The following RERG variants were observed in gnomAD, a reference collection of about 807,000 sequenced individuals.
RERG encodes the protein ras-related and estrogen-regulated growth inhibitor.
In RERG, 25 loss-of-function variants were observed where a neutral mutation model predicts 23.2. The observed-to-expected ratio is 1.08, with a 90% CI of 0.79 to 1.50. The LOEUF is 1.50. Ranked by LOEUF, RERG falls within the 40% of genes most tolerant of loss-of-function variation. The pLI is 0.00. For synonymous variants in RERG, 81 were observed against 89.1 expected (o/e 0.91, Z 0.51); for missense variants, 253 against 250.1 (o/e 1.01, Z -0.08).
chr12:15,183,192 T>G (rs922103000), intron 2 of RERG, among the ~76,000 whole-genome samples: 1 of 152,138 alleles, frequency 6.6e-6, no homozygotes, highest in East Asian at 1.9e-4. Context: ...TAATGATAAA[T>G]CTTTGAAATG....
chr12:15,127,444 A>C (rs1411440656), intron 2 of RERG, among the ~76,000 whole-genome samples: 1 of 152,140 alleles, frequency 6.6e-6, no homozygotes, highest in African/African-American at 2.4e-5. Flanking sequence ...TATATTGACT[A>C]CTTCTCTGGT....
chr12:15,139,903 G>A (rs1864208075), intron 2 of RERG, among the ~76,000 whole-genome samples: 1 of 152,036 alleles, frequency 6.6e-6, no homozygotes. Flanking sequence ...ACCTTACTAG[G>A]AGAAAAATCC....
chr12:15,207,248 A>G (rs1158221450), intron 2 of RERG, among the ~76,000 whole-genome samples: 1 of 152,114 alleles, frequency 6.6e-6, no homozygotes, highest in African/African-American at 2.4e-5. Context: ...ACATTTCCAG[A>G]TGATAGAAAG....
At chr12:15,144,985 T>A (rs976012357) in intron 2 of RERG, among the ~76,000 whole-genome samples, 1 of 151,992 alleles carries the variant, frequency 6.6e-6, no homozygotes, top group African/African-American at 2.4e-5. Flanking sequence ...AACAGAAAAA[T>A]TTTCTTTTCT....
chr12:15,146,882 G>A (rs1591647077), intron 2 of RERG, among the ~76,000 whole-genome samples: 1 of 152,166 alleles, frequency 6.6e-6, no homozygotes, highest in African/African-American at 2.4e-5. Flanking sequence ...AACGCATGCA[G>A]ATTAGCCTTA....
At chr12:15,132,989 C>T (rs1461530600) in intron 2 of RERG, among the ~76,000 whole-genome samples, 2 of 132,930 alleles carry the variant, frequency 1.5e-5, no homozygotes, top group East Asian at 5.1e-4. Flanking sequence ...CCCCGCCCTG[C>T]CCCCCAACAC....
rs1367634964 is a variant in RERG at position 15,108,559 on chromosome 12, A to G, written c.*551T>C. ...ATTCTCTGTTATAGTGAAAAACATT[A>G]GTGAGAAGATGCTTGAACTGAAGAA... On this transcript the variant is annotated 3_prime_UTR_variant, in exon 5 of 5. Transcript: ENST00000256953. 6.5e-6 allele frequency: 1 copy of G among 152,700 alleles called. No individual in the cohort carries two copies. The highest frequency in any genetic ancestry group is 1.5e-5 in the Non-Finnish European group (1 of 68,066). 9.5% of individuals were successfully genotyped at this position (152,700 alleles called of 1,614,324 possible).
intron 3 of RERG, among the ~76,000 whole-genome samples, chr12:15,117,685 A>ATG (rs1555119527): frequency 2.0e-4 from 31 of 151,318 alleles, no homozygotes; most frequent in Non-Finnish European, 3.2e-4. Flanking sequence ...GCACACACAC[A>ATG]CACACACACA....
At chr12:15,144,523 CTG>C (rs1864296911) in intron 2 of RERG, among the ~76,000 whole-genome samples, 1 of 152,130 alleles carries the variant, frequency 6.6e-6, no homozygotes, top group Admixed American at 6.5e-5. Flanking sequence ...ATTCTGGAAA[CTG>C]TGCAAAGAAG....
At chr12:15,116,806 A>C (rs2136085435) in intron 3 of RERG, among the ~76,000 whole-genome samples, 1 of 152,368 alleles carries the variant, frequency 6.6e-6, no homozygotes, top group African/African-American at 2.4e-5. Flanking sequence ...TTAATACATA[A>C]AAGAAAATGT....
chr12:15,207,745 AG>A (rs1409256879), intron 2 of RERG, among the ~76,000 whole-genome samples: 1 of 134,190 alleles, frequency 7.5e-6, no homozygotes, highest in Admixed American at 6.9e-5. Context: ...AGACTATAGA[AG>A]AAGAGACTCA....
intron 2 of RERG, among the ~76,000 whole-genome samples, chr12:15,175,787 A>C (rs1167601445): frequency 2.0e-5 from 3 of 152,150 alleles, no homozygotes; most frequent in Non-Finnish European, 2.9e-5. Context: ...GAGATAGGTC[A>C]AACAGTGACA....
Position 15,117,949 on chromosome 12 carries a change from G to T in RERG, c.118+3114C>A, listed in dbSNP as rs544893790. On this transcript the variant is annotated intron_variant, in intron 3 of 4. Coordinates refer to ENST00000256953, the MANE Select transcript of RERG (RefSeq NM_032918.3). ...TGGTGGTTTTCAAATGTGGTTCATA[G>T]ACATCTGTGTGCTGGCCACCCACAA... Among the ~76,000 whole-genome samples, 9 of 152,178 alleles carry T rather than the reference G, an allele frequency of 5.9e-5. No homozygotes were observed. In the East Asian group the frequency reaches 1.5e-3, roughly 26 times the overall value.
intron 4 of RERG, 150 bp downstream of exon 4, chr12:15,111,194 T>C (rs984329043): frequency 3.4e-6 from 2 of 581,450 alleles, no homozygotes; most frequent in South Asian, 2.3e-5. Context: ...TTTACAAATA[T>C]GTTAATATAT....
At chr12:15,149,364 A>G (rs967291165) in intron 2 of RERG, among the ~76,000 whole-genome samples, 6 of 152,150 alleles carry the variant, frequency 3.9e-5, no homozygotes, top group Non-Finnish European at 7.3e-5. Flanking sequence ...TAATAGTAAA[A>G]TGTATCTTTA....
chr12:15,171,713 A>G (rs778044771), intron 2 of RERG, among the ~76,000 whole-genome samples: 1 of 152,186 alleles, frequency 6.6e-6, no homozygotes, highest in Non-Finnish European at 1.5e-5. Flanking sequence ...TAAAATTAAA[A>G]CATTCCATTT....
chr12:15,115,831 G>A (rs1257532037), intron 3 of RERG, among the ~76,000 whole-genome samples: 2 of 152,076 alleles, frequency 1.3e-5, no homozygotes, highest in Middle Eastern at 3.2e-3. Flanking sequence ...ACTGTAGAAT[G>A]CAGCTTCGCC....
intron 2 of RERG, among the ~76,000 whole-genome samples, chr12:15,144,343 A>C (rs1426615880): frequency 6.6e-6 from 1 of 152,182 alleles, no homozygotes; most frequent in Non-Finnish European, 1.5e-5. Flanking sequence ...CAAATTTGTC[A>C]GTATAAAGAT....
intron 4 of RERG, 36 bp from the exon 5 acceptor site, chr12:15,109,553 G>A: frequency 1.3e-6 from 2 of 1,513,046 alleles, no homozygotes; most frequent in Non-Finnish European, 8.9e-7. Context: ...AAGAGACCTG[G>A]AAATAATCAA....
Sources: allele counts gnomAD v4.1 joint callset (sites outside exome capture counted in the v4.1 genomes callset), GRCh38; gene constraint gnomAD v4.1.1; transcripts MANE v1.5; gene names NCBI Gene and HGNC (gene_info 2026-07-23, HGNC 2026-07-21).